H6PD: variants seen among roughly 807,000 people sequenced by gnomAD.
H6PD encodes hexose-6-phosphate dehydrogenase/glucose 1-dehydrogenase, also known as GDH/6PGL endoplasmic bifunctional protein.
Under a neutral mutation model 61.2 loss-of-function variants are expected in H6PD, and 48 were observed. The ratio of observed to expected loss-of-function variants is 0.78; its 90% CI spans 0.62 to 1.00. The LOEUF is 1.00. H6PD is among the 50% of genes least tolerant of loss of function. The pLI is 0.00. For synonymous variants in H6PD, 480 were observed against 457.9 expected (o/e 1.05, Z -0.62); for missense variants, 1,093 against 1,065.0 (o/e 1.03, Z -0.37).
At position 9,263,829 on chromosome 1, in the gene H6PD, T is replaced by C. The variant is rs773962051; in HGVS notation, c.1336T>C (p.Tyr446His). ...CCTTTTCGGCAGCCCTCTGTCCGAT[T>C]ACTACGCCTACAGCCCTGTGCGGGA... ...LRLFGSPLSDYYAYSPVRERD... is the reference protein window; with the variant it reads ...LRLFGSPLSDHYAYSPVRERD... The change falls in exon 5 of 5, where the codon TAC becomes CAC. Residue 446 changes from tyrosine to histidine, a missense_variant. Transcript: ENST00000377403. The C allele has an allele frequency of 6.2e-7, 1 of 1,613,964 alleles. No homozygotes were observed. The highest frequency in any genetic ancestry group is 2.2e-5 in the East Asian group (1 of 44,856).
intron 3 of H6PD, among the ~76,000 whole-genome samples, chr1:9,247,634 C>G (rs1450787448): frequency 2.0e-5 from 3 of 152,220 alleles, no homozygotes; most frequent in Non-Finnish European, 2.9e-5. Flanking sequence ...CTTGTCCACC[C>G]TGTCTCTTCT....
Position 9,268,470 on chromosome 1 carries a change from T to G in H6PD, c.*3601T>G, listed in dbSNP as rs1268735691. On this transcript the variant is annotated 3_prime_UTR_variant, in exon 5 of 5. Coordinates refer to ENST00000377403, the MANE Select transcript of H6PD (RefSeq NM_004285.4). ...GCCCACGTGTGCACTTAGGGGCCCA[T>G]AAATGGCAGAAGGGCCCCTCCTTTG... 1 of 152,188 alleles carries G rather than the reference T, an allele frequency of 6.6e-6. No homozygotes were observed. The highest frequency in any genetic ancestry group is 1.5e-5 in the Non-Finnish European group (1 of 68,036). The allele number at this position is 152,188 out of a possible 1,614,324, so 9.4% of individuals were successfully genotyped here.
chr1:9,263,567 T>A lies in H6PD; in HGVS notation c.1074T>A (p.Ser358=). Residue 358 remains serine, a synonymous_variant, in exon 5 of 5, where the codon TCT becomes TCA. Transcript: ENST00000377403. ...RWEGVPFILM[S]GKALDERVGY... is the part of the protein sequence containing the mutation. ...AGGGCGTGCCTTTCATCCTGATGTC[T>A]GGCAAAGCCTTGGACGAGAGAGTGG... is the stretch of plus-strand genomic sequence containing the variant. The A allele has an allele frequency of 1.2e-6, 2 of 1,614,182 alleles. No individual in the cohort carries two copies. Among genetic ancestry groups the A allele is most frequent in the Non-Finnish European group, 1.7e-6 (2 of 1,179,974 alleles).
chr1:9,259,022 C>T (rs557969401), intron 3 of H6PD, among the ~76,000 whole-genome samples: 5 of 152,244 alleles, frequency 3.3e-5, no homozygotes, highest in Admixed American at 1.3e-4. Context: ...GGCAGAGTCT[C>T]GCTCTGTCGC....
intron 1 of H6PD, chr1:9,242,543 G>A (rs764581254): frequency 1.0e-6 from 1 of 985,050 alleles, no homozygotes; most frequent in Non-Finnish European, 1.2e-6. Flanking sequence ...GGTCAGGGAG[G>A]ACTGTGGCAA....
In H6PD at chr1:9,245,105, T is replaced by C. The variant is rs761339618; in HGVS notation, c.171T>C (p.Gly57=). 6.8e-6 allele frequency: 11 copies of C among 1,613,576 alleles called. No homozygotes were observed. In the South Asian group the frequency reaches 9.9e-5, roughly 15 times the overall value. Reference sequence around the variant, plus strand: ...TGTACCTGGATGAAGCGGGGAGGGGTCACAGTTTTAGCTTCCATGGAGCTG... The same window carrying C: ...TGTACCTGGATGAAGCGGGGAGGGGCCACAGTTTTAGCTTCCATGGAGCTG... ...FQLYLDEAGR[G]HSFSFHGAAL... The change falls in exon 2 of 5, where the codon GGT becomes GGC. Residue 57 remains glycine, a synonymous_variant. Coordinates refer to ENST00000377403, the MANE Select transcript of H6PD (RefSeq NM_004285.4). The surrounding 1 kb of genome is among the most constrained non-coding windows in gnomAD (Gnocchi z 4.8).
At position 9,265,603 on chromosome 1, in the gene H6PD, T is replaced by C. The variant is rs923794246; in HGVS notation, c.*734T>C. 6.5e-6 allele frequency: 1 copy of C among 153,940 alleles called. No homozygotes were observed. The highest frequency in any genetic ancestry group is 1.4e-5 in the Non-Finnish European group (1 of 69,322). 9.5% of individuals were successfully genotyped at this position (153,940 alleles called of 1,614,324 possible). ...AGAGAATGAGGGCTGATAACAGGAA[T>C]ACAGTGGCAAAGACTAGACTGTGGA... On this transcript the variant is annotated 3_prime_UTR_variant, in exon 5 of 5. Transcript: ENST00000377403.
rs919298791 is a variant in H6PD at position 9,268,840 on chromosome 1, C to A, written c.*3971C>A. ...TGTGTTTCTCCTGTCCCTGTTCTCC[C>A]GGAGGGCCCAGGTGGAACTCACGAC... On this transcript the variant is annotated 3_prime_UTR_variant, in exon 5 of 5. Coordinates refer to ENST00000377403, the MANE Select transcript of H6PD (RefSeq NM_004285.4). 6.6e-6 allele frequency: 1 copy of A among 152,170 alleles called. No individual in the cohort carries two copies. Among genetic ancestry groups the A allele is most frequent in the Admixed American group, 6.5e-5 (1 of 15,268 alleles). The allele number at this position is 152,170 out of a possible 1,614,324, so 9.4% of individuals were successfully genotyped here.
intron 3 of H6PD, among the ~76,000 whole-genome samples, chr1:9,247,736 G>A (rs1355627498): frequency 6.6e-6 from 1 of 152,196 alleles, no homozygotes; most frequent in Non-Finnish European, 1.5e-5. Flanking sequence ...CGGGGGCCCT[G>A]CGTCATGCCC....
At chr1:9,249,798 A>G (rs557511634) in intron 3 of H6PD, among the ~76,000 whole-genome samples, 158 of 152,234 alleles carry the variant, frequency 1.0e-3, no homozygotes, top group Non-Finnish European at 1.8e-3. Context: ...TGGCTTGTTT[A>G]CCTGCCATTT....
intron 2 of H6PD, among the ~76,000 whole-genome samples, chr1:9,246,067 C>T (rs1489160579): frequency 6.6e-6 from 1 of 152,008 alleles, no homozygotes; most frequent in East Asian, 1.9e-4. Flanking sequence ...CTCAGCCTCC[C>T]AAGTAGCTCG....
At chr1:9,235,170 AGCCCCACGGAG>A (rs1209091048) in intron 1 of H6PD, 104 bp downstream of exon 1, 1 of 151,422 alleles carries the variant, frequency 6.6e-6, no homozygotes, top group East Asian at 2.0e-4. Context: ...CTGCGCTGCC[AGCCCCACGGAG>A]CCTGGGGCTG....
intron 3 of H6PD, among the ~76,000 whole-genome samples, chr1:9,255,056 A>T (rs1190596011): frequency 1.3e-5 from 2 of 152,204 alleles, no homozygotes; most frequent in Non-Finnish European, 2.9e-5. Context: ...ATAATATCTT[A>T]TTGTATAGAT....
At chr1:9,263,417 A>G (rs1638403927) in intron 4 of H6PD, 92 bp from the exon 5 acceptor site, 6 of 1,161,628 alleles carry the variant, frequency 5.2e-6, no homozygotes, top group Non-Finnish European at 7.6e-6. Flanking sequence ...AGGCAGGGGG[A>G]CGCCCAGAGG....
In H6PD at chr1:9,254,287, G is replaced by A. The variant is rs891463740; in HGVS notation, c.745+7204G>A. 3.3e-5 allele frequency among the ~76,000 whole-genome samples: 5 copies of A among 152,136 alleles called. No homozygotes were observed. The highest frequency in any genetic ancestry group is 1.9e-4 in the East Asian group (1 of 5,202). ...GGAGAATTGCTTGAACCCAGGAGGC[G>A]AAGGTTACAGTGAGCCAAGATCGCG... On this transcript the variant is annotated intron_variant, in intron 3 of 4. Coordinates refer to ENST00000377403, the MANE Select transcript of H6PD (RefSeq NM_004285.4). This position sits in a 1 kb window ranked among gnomAD's most constrained non-coding sequence, Gnocchi z 4.6.
chr1:9,262,064 A>G lies in H6PD; in HGVS notation c.751A>G (p.Thr251Ala), dbSNP rs967443477. 1.9e-5 allele frequency: 31 copies of G among 1,614,006 alleles called. No individual in the cohort carries two copies. The highest frequency in any genetic ancestry group is 3.3e-5 in the South Asian group (3 of 91,078). ...MKETVDAEGR[T>A]SFYEEYGVIR... is the part of the protein sequence containing the mutation. ...TCTCCACCTCCCTCCACCAGGCCGC[A>G]CCAGCTTCTATGAGGAGTACGGTGT... is the stretch of plus-strand genomic sequence containing the variant. The change falls in exon 4 of 5, where the codon ACC (threonine) becomes GCC (alanine). Residue 251 changes from threonine to alanine, a missense_variant. Thr to Ala is a moderately conservative substitution (Grantham distance 58). Coordinates refer to ENST00000377403, the MANE Select transcript of H6PD (RefSeq NM_004285.4).
intron 1 of H6PD, chr1:9,239,829 T>C: frequency 2.5e-6 from 1 of 405,872 alleles, no homozygotes; most frequent in Non-Finnish European, 4.3e-6. Context: ...TTAGAACTGC[T>C]TCCTCCTGTG....
In H6PD at chr1:9,245,779, G is replaced by T. The variant is rs1328334677; in HGVS notation, c.627+218G>T. Among the ~76,000 whole-genome samples the T allele has an allele frequency of 6.6e-6, 1 of 152,150 alleles. No homozygotes were observed. The highest frequency in any genetic ancestry group is 1.5e-5 in the Non-Finnish European group (1 of 68,020). On this transcript the variant is annotated intron_variant, in intron 2 of 4. Coordinates refer to ENST00000377403, the MANE Select transcript of H6PD (RefSeq NM_004285.4). This position sits in a 1 kb window ranked among gnomAD's most constrained non-coding sequence, Gnocchi z 4.8. The stretch of plus-strand genomic sequence containing the variant: ...CTTGTCCATGTGTCTGGCCTCTTTT[G>T]TCCTTTGCAAAGCCCCCGTTCTCGT...
intron 1 of H6PD, among the ~76,000 whole-genome samples, chr1:9,242,200 G>A (rs759600495): frequency 5.3e-5 from 8 of 152,124 alleles, no homozygotes; most frequent in Admixed American, 1.3e-4. Context: ...GTATTCCGGA[G>A]TCTCACTACT....
Sources: allele counts gnomAD v4.1 joint callset (sites outside exome capture counted in the v4.1 genomes callset), GRCh38; gene constraint gnomAD v4.1.1; non-coding constraint Gnocchi (gnomAD v3.1); transcripts MANE v1.5; gene names NCBI Gene and HGNC (gene_info 2026-07-23, HGNC 2026-07-21).